Variants in GET4 observed in about 807,000 individuals in gnomAD.
The protein encoded by GET4 is Golgi to ER traffic protein 4 homolog.
GET4 carries 20 observed loss-of-function variants against 40.0 expected under a neutral mutation model. The observed-to-expected ratio is 0.50, with a 90% CI of 0.35 to 0.73. GET4 has a LOEUF of 0.73. Ranked by LOEUF, GET4 falls within the 30% of genes least tolerant of loss-of-function variation. GET4 has a pLI of 0.01. For synonymous variants in GET4, 280 were observed against 194.6 expected (o/e 1.44, Z -3.65); for missense variants, 557 against 454.0 (o/e 1.23, Z -2.06).
chr7:884,038 A>G lies in GET4; in HGVS notation c.156-2018A>G, dbSNP rs1156386543. ...GCCGTGACCATCGGCAGTGCCCCCC[A>G]GAGCAGGCTCCTCGTGCAGGAATAT... On this transcript the variant is annotated intron_variant, in intron 1 of 8. Coordinates refer to ENST00000265857, the MANE Select transcript of GET4 (RefSeq NM_015949.3). 5 of 1,167,170 alleles carry G rather than the reference A, an allele frequency of 4.3e-6. No homozygotes were observed. The East Asian group carries it at 3.2e-4, about 74-fold the overall frequency. The allele number at this position is 1,167,170 out of a possible 1,614,324, so 72.3% of individuals were successfully genotyped here.
chr7:892,682 C>T lies in GET4; in HGVS notation c.746+264C>T, dbSNP rs118180513. On this transcript the variant is annotated intron_variant, in intron 6 of 8. Coordinates refer to ENST00000265857, the MANE Select transcript of GET4 (RefSeq NM_015949.3). ...GGCGTGGGGGAGTGTAGGTGTTGGG[C>T]CTCTGGTAGTGTGGGTGTGTGCAGG... Among the ~76,000 whole-genome samples the T allele has an allele frequency of 5.8e-3, 854 of 147,124 alleles. 3 individuals are homozygous for T. The highest frequency in any genetic ancestry group is 9.4e-3 in the Non-Finnish European group (628 of 66,778).
intron 1 of GET4, chr7:883,784 A>G (rs1045350358): frequency 3.0e-6 from 3 of 987,928 alleles, no homozygotes; most frequent in Non-Finnish European, 3.6e-6. Flanking sequence ...AATCCTTCGC[A>G]GCTTCCAGAA....
chr7:887,564 G>T (rs1259489171), intron 4 of GET4, 45 bp downstream of exon 4: 2 of 1,428,222 alleles, frequency 1.4e-6, no homozygotes, highest in Non-Finnish European at 9.4e-7. Context: ...TCTGCTCTCG[G>T]CGTTGATTTG....
chr7:876,771 G>A lies in GET4; in HGVS notation c.126G>A (p.Ala42=), dbSNP rs1240196557. ...TCGAGAAGGGCGACTACTACGAGGC[G>A]CACCAGATGTACCGGACCCTGTTCT... is the stretch of plus-strand genomic sequence containing the variant. ...ASVEKGDYYE[A]HQMYRTLFFR... Residue 42 remains alanine, a synonymous_variant, in exon 1 of 9, where the codon GCG becomes GCA. Coordinates refer to ENST00000265857, the MANE Select transcript of GET4 (RefSeq NM_015949.3). The A allele has an allele frequency of 3.7e-6, 5 of 1,337,220 alleles. No homozygotes were observed. The highest frequency in any genetic ancestry group is 3.1e-5 in the Admixed American group (1 of 32,264). 82.8% of individuals were successfully genotyped at this position (1,337,220 alleles called of 1,614,324 possible). A position where few individuals can be genotyped will look rare whatever the true frequency, so the allele number is the denominator to read the frequency against.
intron 1 of GET4, among the ~76,000 whole-genome samples, chr7:879,560 A>G (rs930725231): frequency 6.6e-6 from 1 of 152,096 alleles, no homozygotes; most frequent in Admixed American, 6.5e-5. Flanking sequence ...GCTTATGAGG[A>G]GACATCTTAC....
chr7:878,135 C>T, intron 1 of GET4: 1 of 392,474 alleles, frequency 2.5e-6, no homozygotes, highest in South Asian at 1.9e-5. Context: ...GGCTCGGTGA[C>T]ACCTGCACGG....
In GET4 at chr7:892,411, G is replaced by A. The variant is rs776018967; in HGVS notation, c.739G>A (p.Val247Met). Residue 247 changes from valine to methionine, a missense_variant, in exon 6 of 9, where the codon GTG becomes ATG. Transcript: ENST00000265857. ...CTTCATCTGGTTCCTGCTGCTGGCT[G>A]TGGACGGGTGCGTCTTGGGATCCTG... ...LNFIWFLLLAVDGGKLTVFTV... is the reference protein window; with the variant it reads ...LNFIWFLLLAMDGGKLTVFTV... 2 of 1,587,324 alleles carry A rather than the reference G, an allele frequency of 1.3e-6. No individual in the cohort carries two copies. Among genetic ancestry groups the A allele is most frequent in the South Asian group, 2.2e-5 (2 of 90,536 alleles).
At chr7:879,829 C>G (rs1041352156) in intron 1 of GET4, 5 of 152,228 alleles carry the variant, frequency 3.3e-5, no homozygotes, top group African/African-American at 1.2e-4. Context: ...GAATTTGTCA[C>G]TGAACATTTA....
intron 4 of GET4, among the ~76,000 whole-genome samples, chr7:888,343 C>CCCAT (rs1484700784): frequency 6.6e-6 from 1 of 152,250 alleles, no homozygotes. Context: ...ACATCAGCAG[C>CCCAT]CCATCCGACC....
intron 2 of GET4, 77 bp from the exon 3 acceptor site, chr7:886,492 A>T: frequency 9.1e-7 from 1 of 1,097,838 alleles, no homozygotes; most frequent in Non-Finnish European, 1.4e-6. Context: ...CTTCTGCTGG[A>T]AACCCAGCCT....
chr7:888,560 G>A (rs780685147), intron 4 of GET4, among the ~76,000 whole-genome samples: 29 of 152,370 alleles, frequency 1.9e-4, no homozygotes, highest in African/African-American at 4.8e-4. Context: ...GGCGGAACCC[G>A]GTCCTGGCTG....
intron 5 of GET4, 102 bp from the exon 6 acceptor site, chr7:892,176 G>A (rs957985284): frequency 2.4e-5 from 30 of 1,230,816 alleles, no homozygotes; most frequent in Admixed American, 5.6e-5. Flanking sequence ...CGCAGGAACC[G>A]TGGGCGCACG....
At chr7:887,073 A>G in intron 3 of GET4, 1 of 615,582 alleles carries the variant, frequency 1.6e-6, no homozygotes, top group Non-Finnish European at 3.1e-6. Context: ...CCCGGGCCAG[A>G]GCCAGGTACC....
intron 1 of GET4, among the ~76,000 whole-genome samples, chr7:878,983 CCCGAGTAGAGT>C (rs1276561759): frequency 1.3e-5 from 2 of 152,142 alleles, no homozygotes; most frequent in Admixed American, 6.5e-5. Flanking sequence ...GACACCCCCC[CCCGAGTAGAGT>C]CCCTCAGGGA....
At chr7:895,227 G>A (rs1438515363) in intron 8 of GET4, 107 bp from the exon 9 acceptor site, 1 of 623,802 alleles carries the variant, frequency 1.6e-6, no homozygotes. Flanking sequence ...GCTTTTGCTT[G>A]TTCCATGGGA....
chr7:878,727 C>T (rs1844020531), intron 1 of GET4, among the ~76,000 whole-genome samples: 1 of 151,992 alleles, frequency 6.6e-6, no homozygotes, highest in Non-Finnish European at 1.5e-5. Flanking sequence ...ATTACTGGCG[C>T]GCACCACCAC....
At chr7:878,036 C>T (rs1281327500) in intron 1 of GET4, 1 of 259,298 alleles carries the variant, frequency 3.9e-6, no homozygotes, top group African/African-American at 2.3e-5. Context: ...GCTGGCGTTC[C>T]TCTCACCGAG....
intron 1 of GET4, chr7:881,531 TTC>T (rs1844087277): frequency 6.6e-6 from 1 of 152,262 alleles, no homozygotes; most frequent in African/African-American, 2.4e-5. Flanking sequence ...CTGAGTGGTT[TTC>T]CCTGTGTGTC....
In GET4 at chr7:895,583, G is replaced by T. The variant is rs2272376; in HGVS notation, c.*161G>T. 3 of 498,440 alleles carry T rather than the reference G, an allele frequency of 6.0e-6. No individual in the cohort carries two copies. The highest frequency in any genetic ancestry group is 1.1e-5 in the Non-Finnish European group (3 of 277,114). 30.9% of individuals were successfully genotyped at this position (498,440 alleles called of 1,614,324 possible). A position where few individuals can be genotyped will look rare whatever the true frequency, so the allele number is the denominator to read the frequency against. On this transcript the variant is annotated 3_prime_UTR_variant, in exon 9 of 9. Transcript: ENST00000265857. ...TTTCTGTGCGGCGGCTCAGGGTGGC[G>T]CGGCTGCTGCTCACTGTGCTGCTGG...
Sources: allele counts gnomAD v4.1 joint callset (sites outside exome capture counted in the v4.1 genomes callset), GRCh38; gene constraint gnomAD v4.1.1; transcripts MANE v1.5; gene names NCBI Gene and HGNC (gene_info 2026-07-23, HGNC 2026-07-21).